GPRC5C: variants seen among roughly 807,000 people sequenced by gnomAD.
The protein encoded by GPRC5C is G protein-coupled receptor class C group 5 member C.
GPRC5C carries 22 observed loss-of-function variants against 31.4 expected under a neutral mutation model. The ratio of observed to expected loss-of-function variants is 0.70; its 90% CI spans 0.50 to 1.00. GPRC5C has a LOEUF of 1.00. Among genes scored for constraint, GPRC5C ranks in the 50% least tolerant of loss-of-function variants. The pLI is 0.00. For synonymous variants in GPRC5C, 249 were observed against 257.5 expected (o/e 0.97, Z 0.32); for missense variants, 557 against 597.2 (o/e 0.93, Z 0.70).
chr17:74,437,118 A>G (rs1201243506), intron 1 of GPRC5C, among the ~76,000 whole-genome samples: 1 of 151,938 alleles, frequency 6.6e-6, no homozygotes. Flanking sequence ...TAATTTTTGT[A>G]TTTTTAGTAG....
Position 74,443,845 on chromosome 17 carries a change from G to C in GPRC5C, c.1079G>C (p.Gly360Ala). The change falls in exon 3 of 4, where the codon GGG becomes GCG. Residue 360 changes from glycine (G) to alanine (A), a missense_variant. Physicochemically the swap from Gly to Ala is moderately conservative, Grantham distance 60 (BLOSUM62 0). Transcript: ENST00000392627. ...AAGAGGCCGGTGTCACCATACAGCG[G>C]GTACAATGGGCAGCTGCTGACCAGT... Reference protein sequence around the residue: ...AAKRPVSPYSGYNGQLLTSVY... With the variant: ...AAKRPVSPYSAYNGQLLTSVY... 6.2e-7 allele frequency: 1 copy of C among 1,613,378 alleles called. No homozygotes were observed. Among genetic ancestry groups the C allele is most frequent in the Non-Finnish European group, 8.5e-7 (1 of 1,179,370 alleles).
At chr17:74,439,523 G>T (rs1211949480) in intron 1 of GPRC5C, among the ~76,000 whole-genome samples, 1 of 152,206 alleles carries the variant, frequency 6.6e-6, no homozygotes, top group African/African-American at 2.4e-5. Context: ...CTTTTGCCAT[G>T]GCTAGGAATA....
chr17:74,447,017 G>A lies in GPRC5C; in HGVS notation c.1315G>A (p.Val439Met), dbSNP rs142232982. The A allele has an allele frequency of 1.3e-3, 2,175 of 1,612,142 alleles. 2 individuals are homozygous for A. Among genetic ancestry groups the A allele is most frequent in the Non-Finnish European group, 1.7e-3 (2,055 of 1,178,384 alleles). The change falls in exon 4 of 4, where the codon GTG (valine) becomes ATG (methionine). Residue 439 changes from valine to methionine, a missense_variant. Val to Met is a conservative substitution (Grantham distance 21). Coordinates refer to ENST00000392627, the MANE Select transcript of GPRC5C (RefSeq NM_022036.4). ...CTCTCAGGTCTTTAGAAACCCCTAC[G>A]TGTGGGACTGAGTCAGCGGTGGCGA... The part of the protein sequence containing the change: ...KNSQVFRNPY[V>M]WD
intron 2 of GPRC5C, chr17:74,443,132 G>C (rs2055569647): frequency 6.0e-6 from 1 of 166,352 alleles, no homozygotes. Flanking sequence ...CCGAGGCCCC[G>C]GGGTGCGTCA....
At chr17:74,446,688 C>T (rs952400531) in intron 3 of GPRC5C, 161 bp from the exon 4 acceptor site, 3 of 610,916 alleles carry the variant, frequency 4.9e-6, no homozygotes, top group South Asian at 4.0e-5. Context: ...GTCTGGCTGT[C>T]CCAGGCTGCT....
At chr17:74,437,629 ATT>A (rs57390968) in intron 1 of GPRC5C, among the ~76,000 whole-genome samples, 7 of 129,726 alleles carry the variant, frequency 5.4e-5, no homozygotes, top group Admixed American at 1.5e-4. Context: ...TATGGACAGA[ATT>A]TTTTTTTTTT....
At chr17:74,446,745 G>A in intron 3 of GPRC5C, 104 bp from the exon 4 acceptor site, 1 of 895,270 alleles carries the variant, frequency 1.1e-6, no homozygotes, top group Non-Finnish European at 1.7e-6. Flanking sequence ...GGGGAGTTGG[G>A]GGGGATCTGG....
chr17:74,434,749 C>A (rs2055406938), intron 1 of GPRC5C, among the ~76,000 whole-genome samples: 2 of 152,208 alleles, frequency 1.3e-5, no homozygotes, highest in East Asian at 3.9e-4. Context: ...ATAGTGAAAC[C>A]CTGTCTCTAC....
intron 1 of GPRC5C, among the ~76,000 whole-genome samples, chr17:74,434,245 C>T (rs771878030): frequency 2.6e-5 from 4 of 152,102 alleles, no homozygotes; most frequent in Non-Finnish European, 4.4e-5. Context: ...AGACTCAGGG[C>T]GGAAGGAGGT....
chr17:74,432,590 A>G (rs1167882396), intron 1 of GPRC5C: 13 of 857,554 alleles, frequency 1.5e-5, no homozygotes, highest in Non-Finnish European at 1.8e-5. Context: ...GGAGTGGGCG[A>G]GGGCAGAGGC....
At chr17:74,446,087 T>C (rs1048439608) in intron 3 of GPRC5C, 1 of 145,180 alleles carries the variant, frequency 6.9e-6, no homozygotes, top group South Asian at 2.2e-4. Flanking sequence ...CCCAGAGCCA[T>C]GTCCTCCGCC....
chr17:74,433,875 G>T (rs1025181486), intron 1 of GPRC5C: 51 of 832,594 alleles, frequency 6.1e-5, no homozygotes, highest in Non-Finnish European at 1.0e-4. Flanking sequence ...GCTGGAGCGA[G>T]GAAGGGAGTT....
rs1462042876 is a variant in GPRC5C at position 74,447,268 on chromosome 17, T to G, written c.*240T>G. The G allele has an allele frequency of 8.6e-6, 11 of 1,279,858 alleles. No individual in the cohort carries two copies. The highest frequency in any genetic ancestry group is 1.1e-5 in the Non-Finnish European group (11 of 1,010,738). 79.3% of individuals were successfully genotyped at this position (1,279,858 alleles called of 1,614,324 possible). On this transcript the variant is annotated 3_prime_UTR_variant, in exon 4 of 4. Transcript: ENST00000392627. ...CCTCCTGCCAGGATCACCTCGGCGG[T>G]CACACTCCAGCCAAATAGTGTTCTC...
downstream of GPRC5C, chr17:74,450,887 G>A (rs1344530638): frequency 6.6e-6 from 1 of 152,258 alleles, no homozygotes; most frequent in Non-Finnish European, 1.5e-5. Context: ...CGGGGTGGAG[G>A]ATGACGACCA....
chr17:74,432,391 C>T (rs2144395945), intron 1 of GPRC5C: 1 of 1,294,126 alleles, frequency 7.7e-7, no homozygotes, highest in Non-Finnish European at 9.8e-7. Context: ...CGGCCCGGGC[C>T]CCGCCATCCC....
rs116610152 is a variant in GPRC5C at position 74,433,023 on chromosome 17, A to C, written c.-33+882A>C. 5.0e-3 allele frequency among the ~76,000 whole-genome samples: 753 copies of C among 151,900 alleles called. 7 individuals are homozygous for C. Among genetic ancestry groups the C allele is most frequent in the African/African-American group, 0.017 (713 of 41,410 alleles). ...GGAAGTTTGGAAATTCAGACTATCAAAGCGCCTCCCCTTCTGGTAGCCTGG... is the reference window on the plus strand; with the variant it reads ...GGAAGTTTGGAAATTCAGACTATCACAGCGCCTCCCCTTCTGGTAGCCTGG... On this transcript the variant is annotated intron_variant, in intron 1 of 3. Coordinates refer to ENST00000392627, the MANE Select transcript of GPRC5C (RefSeq NM_022036.4).
rs767325500 is a variant in GPRC5C, at chr17:74,440,395, A to G, written c.619A>G (p.Met207Val). 3.1e-6 allele frequency: 5 copies of G among 1,614,058 alleles called. No homozygotes were observed. The highest frequency in any genetic ancestry group is 4.2e-6 in the Non-Finnish European group (5 of 1,179,950). ...AVASPCAIAN[M>V]DFVMALIYVM... The stretch of plus-strand genomic sequence containing the variant: ...GGCCTCCCCCTGTGCCATCGCCAAC[A>G]TGGACTTTGTCATGGCACTCATCTA... Residue 207 changes from methionine to valine, a missense_variant, in exon 2 of 4, where the codon ATG (methionine) becomes GTG (valine). Coordinates refer to ENST00000392627, the MANE Select transcript of GPRC5C (RefSeq NM_022036.4). The surrounding 1 kb of genome is among the most constrained non-coding windows in gnomAD (Gnocchi z 4.4).
chr17:74,435,625 G>A (rs529708982), intron 1 of GPRC5C, among the ~76,000 whole-genome samples: 5 of 152,274 alleles, frequency 3.3e-5, no homozygotes, highest in Non-Finnish European at 7.4e-5. Context: ...GACTTGAAGG[G>A]TCAGGTGCAG....
In GPRC5C at chr17:74,440,492, G is replaced by A. The variant is rs539097774; in HGVS notation, c.716G>A (p.Arg239His). 2.2e-5 allele frequency: 35 copies of A among 1,614,136 alleles called. No homozygotes were observed. Among genetic ancestry groups the A allele is most frequent in the Non-Finnish European group, 2.6e-5 (31 of 1,180,042 alleles). Residue 239 changes from arginine (R) to histidine (H), a missense_variant, in exon 2 of 4, where the codon CGT becomes CAT. Transcript: ENST00000392627. This position sits in a 1 kb window ranked among gnomAD's most constrained non-coding sequence, Gnocchi z 4.4. The stretch of plus-strand genomic sequence containing the variant: ...CTGTGTGGCCGCTACAAGCGCTGGC[G>A]TAAGCATGGGGTCTTTGTGCTCCTC... The part of the protein sequence containing the change: ...PALCGRYKRW[R>H]KHGVFVLLTT...
Sources: allele counts gnomAD v4.1 joint callset (sites outside exome capture counted in the v4.1 genomes callset), GRCh38; gene constraint gnomAD v4.1.1; non-coding constraint Gnocchi (gnomAD v3.1); transcripts MANE v1.5; gene names NCBI Gene and HGNC (gene_info 2026-07-23, HGNC 2026-07-21).